The following LRMDA variants were observed in gnomAD, a reference collection of about 807,000 sequenced individuals.
LRMDA encodes leucine-rich melanocyte differentiation-associated protein.
Under a neutral mutation model 29.8 loss-of-function variants are expected in LRMDA, and 18 were observed. The observed-to-expected ratio is 0.60, with a 90% confidence interval of 0.42 to 0.90. The LOEUF (loss-of-function observed/expected upper bound fraction) is 0.90, where lower values mean the gene tolerates loss of function less well. LRMDA is among the 40% of genes least tolerant of loss of function. LRMDA has a pLI of 0.00. For synonymous variants in LRMDA, 125 were observed against 109.4 expected, an observed-to-expected ratio of 1.14 and a Z score of -0.89; for missense variants, 273 against 273.9, an observed-to-expected ratio of 1.00 and a Z score of 0.02.
At chr10:75,819,280 A>G (rs1564576713) in intron 2 of LRMDA, among the ~76,000 whole-genome samples, 1 of 152,222 alleles carries the variant, frequency 6.6e-6, no homozygotes, top group Non-Finnish European at 1.5e-5. Context: ...GTTTGTGATC[A>G]GTGACTTCTT....
At chr10:75,933,198 A>G (rs1051501222) in intron 2 of LRMDA, among the ~76,000 whole-genome samples, 11 of 152,120 alleles carry the variant, frequency 7.2e-5, no homozygotes, top group Non-Finnish European at 1.0e-4. Context: ...CCTTCAAGCA[A>G]ATAATCAGGC....
At chr10:76,180,410 G>T (rs1235242856) in intron 5 of LRMDA, among the ~76,000 whole-genome samples, 2 of 150,490 alleles carry the variant, frequency 1.3e-5, no homozygotes, top group Non-Finnish European at 2.9e-5. Context: ...CTCCCAAGTG[G>T]CTGGGATTAC....
chr10:76,450,054 A>G (rs1305152656), intron 6 of LRMDA, among the ~76,000 whole-genome samples: 1 of 152,038 alleles, frequency 6.6e-6, no homozygotes, highest in African/African-American at 2.4e-5. Flanking sequence ...TTGATTTCAC[A>G]GTCTTGAGTT....
At chr10:75,782,884 C>T in intron 2 of LRMDA, 1 of 1,597,278 alleles carries the variant, frequency 6.3e-7, no homozygotes. Flanking sequence ...CCGTGGAGTA[C>T]CTGCTGTTGC....
intron 6 of LRMDA, among the ~76,000 whole-genome samples, chr10:76,380,691 A>AC (rs1841580010): frequency 6.6e-6 from 1 of 150,494 alleles, no homozygotes; most frequent in African/African-American, 2.4e-5. Context: ...AAAAAAAAAA[A>AC]GAGGAATATA....
intron 6 of LRMDA, among the ~76,000 whole-genome samples, chr10:76,377,618 C>T (rs756894716): frequency 6.6e-6 from 1 of 152,152 alleles, no homozygotes; most frequent in Non-Finnish European, 1.5e-5. Flanking sequence ...TTTCCCAGCA[C>T]CATTTATTAA....
In LRMDA at chr10:76,069,051, G is replaced by T. The variant is rs541864680; in HGVS notation, c.516+10268G>T. Among the ~76,000 whole-genome samples the T allele has an allele frequency of 3.6e-4, 55 of 152,316 alleles. 2 individuals are homozygous for T. Among genetic ancestry groups the T allele is most frequent in the African/African-American group, 1.3e-3 (54 of 41,570 alleles). On this transcript the variant is annotated intron_variant, in intron 5 of 6. Transcript: ENST00000611255. ...CTGTTTCTCCTCACCAACACCTCTAGAACATCCAAGTTCCCAGACAGCTGT... is the reference window on the plus strand; with the variant it reads ...CTGTTTCTCCTCACCAACACCTCTATAACATCCAAGTTCCCAGACAGCTGT...
intron 2 of LRMDA, among the ~76,000 whole-genome samples, chr10:75,910,590 G>C (rs1035502809): frequency 1.3e-5 from 2 of 152,174 alleles, no homozygotes; most frequent in Non-Finnish European, 1.5e-5. Flanking sequence ...TGTAAAGGCT[G>C]GAAGTGGGGG....
intron 6 of LRMDA, among the ~76,000 whole-genome samples, chr10:76,364,973 C>T (rs1157800864): frequency 6.6e-6 from 1 of 151,156 alleles, no homozygotes; most frequent in Non-Finnish European, 1.5e-5. Flanking sequence ...TCCTGAGTTA[C>T]ATCACTTAGA....
At chr10:76,109,021 CA>C (rs1849531595) in intron 5 of LRMDA, among the ~76,000 whole-genome samples, 1 of 152,090 alleles carries the variant, frequency 6.6e-6, no homozygotes, top group Non-Finnish European at 1.5e-5. Flanking sequence ...AAAAACAGAC[CA>C]AAATGCCATT....
intron 2 of LRMDA, among the ~76,000 whole-genome samples, chr10:75,664,192 A>G (rs1841792532): frequency 6.6e-6 from 1 of 152,164 alleles, no homozygotes; most frequent in South Asian, 2.1e-4. Flanking sequence ...TTTCTCAACC[A>G]GTCCTGCCTG....
chr10:76,357,624 G>T (rs192249820), intron 6 of LRMDA, among the ~76,000 whole-genome samples: 7 of 152,230 alleles, frequency 4.6e-5, no homozygotes, highest in Admixed American at 4.6e-4. Context: ...AGGGAAGCAT[G>T]GTGGCTCACA....
intron 1 of LRMDA, among the ~76,000 whole-genome samples, chr10:75,434,178 A>G (rs953803573): frequency 2.6e-5 from 4 of 152,208 alleles, no homozygotes; most frequent in Non-Finnish European, 4.4e-5. Context: ...GGGCACTGAA[A>G]TCTTGCGCCC....
intron 2 of LRMDA, among the ~76,000 whole-genome samples, chr10:75,660,856 C>T (rs556720247): frequency 2.6e-5 from 4 of 152,254 alleles, no homozygotes; most frequent in African/African-American, 9.6e-5. Context: ...ATCTTGTTTA[C>T]TGCCCAGAGT....
intron 6 of LRMDA, among the ~76,000 whole-genome samples, chr10:76,410,246 A>G (rs919863798): frequency 6.6e-6 from 1 of 151,584 alleles, no homozygotes; most frequent in African/African-American, 2.4e-5. Context: ...TTTACATGCA[A>G]ATTTAAAGAG....
intron 6 of LRMDA, chr10:76,402,418 T>A (rs1010473575): frequency 1.3e-5 from 2 of 152,184 alleles, no homozygotes; most frequent in Admixed American, 1.3e-4. Context: ...AGTGGTGGGA[T>A]CATGGCTCAC....
intron 2 of LRMDA, among the ~76,000 whole-genome samples, chr10:75,522,393 C>G (rs1845372158): frequency 6.6e-6 from 1 of 152,108 alleles, no homozygotes; most frequent in African/African-American, 2.4e-5. Context: ...CATGAAAGAG[C>G]AAAGTAGTTT....
At chr10:76,108,331 G>A (rs921430933) in intron 5 of LRMDA, among the ~76,000 whole-genome samples, 4 of 152,168 alleles carry the variant, frequency 2.6e-5, no homozygotes, top group Non-Finnish European at 4.4e-5. Context: ...ATGTAGTTGT[G>A]AATGGAGCTG....
At chr10:76,272,824 T>C (rs11813403) in intron 5 of LRMDA, among the ~76,000 whole-genome samples, 4,843 of 152,226 alleles carry the variant, frequency 0.032, 229 homozygotes, top group African/African-American at 0.1. Context: ...ACAACTTACA[T>C]GGCAGGGAGA....
Sources: gnomAD v4.1 joint callset for allele counts (sites outside exome capture counted in the v4.1 genomes callset) on GRCh38, gnomAD v4.1.1 for gene constraint, MANE v1.5 for transcripts, NCBI Gene and HGNC (gene_info 2026-07-23, HGNC 2026-07-21) for gene names.